The following KCNQ5 variants were observed in gnomAD, a reference collection of about 807,000 sequenced individuals.
The protein encoded by KCNQ5 is potassium voltage-gated channel subfamily KQT member 5.
KCNQ5 carries 30 observed loss-of-function variants against 98.2 expected under a neutral mutation model. The ratio of observed to expected loss-of-function variants is 0.31; its 90% CI spans 0.23 to 0.41. The LOEUF (loss-of-function observed/expected upper bound fraction) is 0.41. KCNQ5 is among the 10% of genes least tolerant of loss of function. The pLI is 1.00. For synonymous variants in KCNQ5, 458 were observed against 449.4 expected (o/e 1.02, Z -0.24); for missense variants, 835 against 1,182.5 (o/e 0.71, Z 4.31).
intron 2 of KCNQ5, among the ~76,000 whole-genome samples, chr6:73,037,273 T>C (rs1771474356): frequency 6.6e-6 from 1 of 152,208 alleles, no homozygotes; most frequent in South Asian, 2.1e-4. Context: ...ATTAGTCCTT[T>C]GTCAGATATG....
At chr6:73,024,464 G>A (rs956413046) in intron 2 of KCNQ5, among the ~76,000 whole-genome samples, 1 of 111,094 alleles carries the variant, frequency 9.0e-6, no homozygotes, top group African/African-American at 3.3e-5. Flanking sequence ...CAGCAGATGA[G>A]GGCAGGAAGG....
At chr6:72,710,111 C>A (rs1769290044) in intron 1 of KCNQ5, among the ~76,000 whole-genome samples, 1 of 152,104 alleles carries the variant, frequency 6.6e-6, no homozygotes, top group Admixed American at 6.5e-5. Flanking sequence ...TTCTACATGG[C>A]AAACAGTGCT....
At chr6:72,679,209 C>T (rs1490638450) in intron 1 of KCNQ5, among the ~76,000 whole-genome samples, 1 of 152,068 alleles carries the variant, frequency 6.6e-6, no homozygotes, top group Non-Finnish European at 1.5e-5. Flanking sequence ...GAAAGTCAGC[C>T]ATCCCATTAC....
intron 1 of KCNQ5, among the ~76,000 whole-genome samples, chr6:72,629,191 G>A (rs2098919504): frequency 6.6e-6 from 1 of 152,166 alleles, no homozygotes; most frequent in South Asian, 2.1e-4. Context: ...CTATGTGTCA[G>A]ACTCAATTAG....
intron 1 of KCNQ5, among the ~76,000 whole-genome samples, chr6:72,952,571 C>T (rs1161921316): frequency 6.6e-6 from 1 of 152,144 alleles, no homozygotes; most frequent in African/African-American, 2.4e-5. Flanking sequence ...AAATCAGAAA[C>T]TCTATAAAAT....
At chr6:73,013,125 A>G (rs1236371037) in intron 2 of KCNQ5, among the ~76,000 whole-genome samples, 1 of 152,102 alleles carries the variant, frequency 6.6e-6, no homozygotes, top group African/African-American at 2.4e-5. Context: ...GAGTTTTCTC[A>G]CCGCAATCAC....
chr6:72,982,492 T>A (rs1388373920), intron 1 of KCNQ5, among the ~76,000 whole-genome samples: 1 of 143,746 alleles, frequency 7.0e-6, no homozygotes, highest in African/African-American at 2.6e-5. Flanking sequence ...CCCTGCTTTT[T>A]TTTTTTTTTT....
At chr6:73,143,692 T>C (rs1776808920) in intron 10 of KCNQ5, among the ~76,000 whole-genome samples, 1 of 152,182 alleles carries the variant, frequency 6.6e-6, no homozygotes, top group Non-Finnish European at 1.5e-5. Context: ...AGCATGTTTC[T>C]GGGCATTTAG....
rs907315230 is a variant in KCNQ5 at position 72,937,969 on chromosome 6, C to T, written c.399-65939C>T. Among the ~76,000 whole-genome samples, 3 of 152,270 alleles carry T rather than the reference C, an allele frequency of 2.0e-5. No homozygotes were observed. The East Asian group carries it at 5.8e-4, about 29-fold the overall frequency. ...ATAACTTACAATTGGGAAATGTGAG[C>T]ATATCACTCACTCTTTCTAAGTCTG... On this transcript the variant is annotated intron_variant, in intron 1 of 13. Transcript: ENST00000370398.
chr6:72,801,831 A>C (rs1774676582), intron 1 of KCNQ5, among the ~76,000 whole-genome samples: 1 of 151,228 alleles, frequency 6.6e-6, no homozygotes, highest in Non-Finnish European at 1.5e-5. Context: ...GGTGGTGACA[A>C]AATCTCTCAG....
chr6:72,840,281 A>G (rs964159342), intron 1 of KCNQ5, among the ~76,000 whole-genome samples: 1 of 152,246 alleles, frequency 6.6e-6, no homozygotes, highest in African/African-American at 2.4e-5. Context: ...ACCCAGAAGT[A>G]GGATACCTGG....
At chr6:72,696,245 C>T (rs1768491167) in intron 1 of KCNQ5, among the ~76,000 whole-genome samples, 1 of 152,008 alleles carries the variant, frequency 6.6e-6, no homozygotes, top group Admixed American at 6.6e-5. Context: ...CATGGGCAAA[C>T]AGTGGAATAT....
chr6:73,071,311 A>C (rs953944353), intron 3 of KCNQ5, among the ~76,000 whole-genome samples: 1 of 152,216 alleles, frequency 6.6e-6, no homozygotes, highest in Non-Finnish European at 1.5e-5. Flanking sequence ...TATCAATCAC[A>C]AATCAAAATA....
chr6:73,042,799 C>A (rs1306115225), intron 3 of KCNQ5, among the ~76,000 whole-genome samples: 1 of 152,100 alleles, frequency 6.6e-6, no homozygotes, highest in Non-Finnish European at 1.5e-5. Flanking sequence ...GAATTAAGAT[C>A]TAGCATTTCC....
intron 1 of KCNQ5, among the ~76,000 whole-genome samples, chr6:72,858,693 T>C (rs1777631034): frequency 6.6e-6 from 1 of 152,074 alleles, no homozygotes; most frequent in Non-Finnish European, 1.5e-5. Flanking sequence ...AGAATAACTT[T>C]CTTATATATA....
At position 73,147,259 on chromosome 6, in the gene KCNQ5, G is replaced by T. The variant is rs117458823; in HGVS notation, c.1468+13618G>T. ...TTGTACAATGCCCAGCACAGAATAGGTGCTCAATATATTAAATATATTGTT... is the reference window on the plus strand; with the variant it reads ...TTGTACAATGCCCAGCACAGAATAGTTGCTCAATATATTAAATATATTGTT... On this transcript the variant is annotated intron_variant, in intron 10 of 13. Transcript: ENST00000370398. Among the ~76,000 whole-genome samples the T allele has an allele frequency of 7.3e-3, 1,105 of 152,064 alleles. 13 individuals are homozygous for T. Among genetic ancestry groups the T allele is most frequent in the South Asian group, 0.054 (261 of 4,804 alleles).
intron 1 of KCNQ5, among the ~76,000 whole-genome samples, chr6:72,967,039 T>C (rs1001059771): frequency 1.3e-5 from 2 of 152,222 alleles, no homozygotes; most frequent in African/African-American, 2.4e-5. Flanking sequence ...TCTACTGTAC[T>C]TTTTGTTACA....
intron 1 of KCNQ5, among the ~76,000 whole-genome samples, chr6:72,720,291 C>T (rs1769885780): frequency 6.6e-6 from 1 of 152,168 alleles, no homozygotes; most frequent in Non-Finnish European, 1.5e-5. Flanking sequence ...TATTACAATG[C>T]TTTTTTACAT....
At chr6:72,753,946 A>T (rs1185703601) in intron 1 of KCNQ5, among the ~76,000 whole-genome samples, 1 of 152,102 alleles carries the variant, frequency 6.6e-6, no homozygotes, top group Non-Finnish European at 1.5e-5. Context: ...GAGATTTTCT[A>T]CATAGACAAT....
Sources: allele counts gnomAD v4.1 joint callset (sites outside exome capture counted in the v4.1 genomes callset), GRCh38; gene constraint gnomAD v4.1.1; transcripts MANE v1.5; gene names NCBI Gene and HGNC (gene_info 2026-07-23, HGNC 2026-07-21).